Variants in ENTPD1 observed in about 807,000 individuals in gnomAD.
ENTPD1 encodes ectonucleoside triphosphate diphosphohydrolase 1.
ENTPD1 carries 33 observed loss-of-function variants against 57.0 expected under a neutral mutation model. The ratio of observed to expected loss-of-function variants is 0.58; its 90% CI spans 0.44 to 0.77. The LOEUF (loss-of-function observed/expected upper bound fraction) is 0.77. Among genes scored for constraint, ENTPD1 ranks in the 30% least tolerant of loss-of-function variants. The pLI is 0.00. For synonymous variants in ENTPD1, 202 were observed against 218.8 expected (o/e 0.92, Z 0.68); for missense variants, 501 against 603.4 (o/e 0.83, Z 1.78).
At chr10:95,725,254 A>G (rs986394493) in intron 1 of ENTPD1, among the ~76,000 whole-genome samples, 5 of 152,056 alleles carry the variant, frequency 3.3e-5, no homozygotes, top group Admixed American at 2.6e-4. Flanking sequence ...CTGAATCATT[A>G]TCATATTTTT....
At chr10:95,724,726 C>T (rs114141524) in intron 1 of ENTPD1, among the ~76,000 whole-genome samples, 16 of 152,234 alleles carry the variant, frequency 1.1e-4, no homozygotes, top group African/African-American at 1.7e-4. Context: ...GGGTCTGCGA[C>T]GGTGGCAAAC....
At chr10:95,779,394 T>C (rs1011863490) in intron 1 of ENTPD1, among the ~76,000 whole-genome samples, 1 of 152,186 alleles carries the variant, frequency 6.6e-6, no homozygotes, top group Non-Finnish European at 1.5e-5. Flanking sequence ...CTTTGGACCA[T>C]GTTCTCTCAA....
rs765023289 is a variant in ENTPD1, at chr10:95,860,584, T to TAA, written c.1188+3_1188+4dup. The TAA allele has an allele frequency of 1.2e-6, 2 of 1,612,428 alleles. No individual in the cohort carries two copies. The highest frequency in any genetic ancestry group is 1.7e-6 in the Non-Finnish European group (2 of 1,178,788). ...TTCTGTGCTCAGCCTTGGGAGGAGG[T>TAA]AAGTGACTAGGCACAGCAGCTCTAA... On this transcript the variant is annotated splice_region_variant and intron_variant, in intron 8 of 9. Coordinates refer to ENST00000371205, the MANE Select transcript of ENTPD1 (RefSeq NM_001776.6).
chr10:95,823,421 A>G, intron 2 of ENTPD1, 57 bp downstream of exon 2: 2 of 1,609,544 alleles, frequency 1.2e-6, no homozygotes, highest in South Asian at 2.2e-5. Flanking sequence ...TGGGTGGGAC[A>G]GGGGGAGGAG....
At chr10:95,853,090 A>G (rs1194554245) in intron 7 of ENTPD1, among the ~76,000 whole-genome samples, 6 of 152,164 alleles carry the variant, frequency 3.9e-5, no homozygotes, top group African/African-American at 1.4e-4. Flanking sequence ...ATTTGTTTGT[A>G]TCCTCTTTTA....
upstream of ENTPD1, chr10:95,711,655 T>A: frequency 5.2e-6 from 2 of 386,990 alleles, no homozygotes; most frequent in South Asian, 5.2e-5. Context: ...GCTTTGTTCC[T>A]AAGGCTGACC....
intron 8 of ENTPD1, among the ~76,000 whole-genome samples, chr10:95,861,047 C>T (rs958651361): frequency 6.6e-6 from 1 of 152,206 alleles, no homozygotes; most frequent in African/African-American, 2.4e-5. Context: ...ATCTCAATGG[C>T]CAGGATTGAC....
chr10:95,856,829 TATAC>T (rs1157845131), intron 7 of ENTPD1, among the ~76,000 whole-genome samples: 1 of 150,512 alleles, frequency 6.6e-6, no homozygotes, highest in Non-Finnish European at 1.5e-5. Flanking sequence ...AGGTTATATA[TATAC>T]ATATACACAT....
chr10:95,842,512 G>A lies in ENTPD1; in HGVS notation c.413+18G>A. ...TTGCTCAGGTATAGCAGCATGTAGG[G>A]ACCAAGAGTATCTGGGAGTTAGGCT... On this transcript the variant is annotated intron_variant, in intron 4 of 9. Transcript: ENST00000371205. 1 of 1,609,576 alleles carries A rather than the reference G, an allele frequency of 6.2e-7. No individual in the cohort carries two copies.
intron 1 of ENTPD1, among the ~76,000 whole-genome samples, chr10:95,812,372 GCATAATGCTT>G (rs2098311802): frequency 3.9e-5 from 6 of 152,166 alleles, no homozygotes; most frequent in Admixed American, 3.9e-4. Context: ...CTTTTACTTA[GCATAATGCTT>G]TTGAGATTCA....
upstream of ENTPD1, chr10:95,754,293 A>G: frequency 6.9e-6 from 1 of 144,978 alleles, no homozygotes. Flanking sequence ...GGGAGACAAG[A>G]GTAAAACTCT....
At chr10:95,789,246 T>C (rs1422820351) in intron 1 of ENTPD1, among the ~76,000 whole-genome samples, 1 of 152,186 alleles carries the variant, frequency 6.6e-6, no homozygotes. Flanking sequence ...TAGAGAGATA[T>C]GCTCTTTAAA....
In ENTPD1 at chr10:95,868,779, G is replaced by A; in HGVS notation, c.*2396G>A. The A allele has an allele frequency of 1.1e-5, 11 of 985,194 alleles. No individual in the cohort carries two copies. Among genetic ancestry groups the A allele is most frequent in the Non-Finnish European group, 1.3e-5 (11 of 829,906 alleles). 61.0% of individuals were successfully genotyped at this position (985,194 alleles called of 1,614,324 possible). A position where few individuals can be genotyped will look rare whatever the true frequency, so the allele number is the denominator to read the frequency against. On this transcript the variant is annotated 3_prime_UTR_variant, in exon 10 of 10. Transcript: ENST00000371205. ...AGCAAGTTGGAATTAGACTTCACAA[G>A]TCTCCTTCAGAGAACACAAATCTTT...
chr10:95,699,116 A>C, the ENTPD1 span, among the ~76,000 whole-genome samples: 2 of 152,212 alleles, frequency 1.3e-5, no homozygotes, highest in Non-Finnish European at 2.9e-5. Flanking sequence ...TTGAGGCTGC[A>C]GTGAGCCATG....
chr10:95,799,162 G>C (rs2098238322), intron 1 of ENTPD1, among the ~76,000 whole-genome samples: 1 of 152,170 alleles, frequency 6.6e-6, no homozygotes, highest in Admixed American at 6.5e-5. Flanking sequence ...AAACTTTTAA[G>C]CTCAGGGGTA....
chr10:95,859,056 C>A (rs11188511), intron 7 of ENTPD1, among the ~76,000 whole-genome samples: 1 of 151,826 alleles, frequency 6.6e-6, no homozygotes, highest in Non-Finnish European at 1.5e-5. Context: ...CCTGTTGGGA[C>A]TGAAAGTGGA....
upstream of ENTPD1, among the ~76,000 whole-genome samples, chr10:95,751,447 C>G (rs960942872): frequency 6.6e-6 from 1 of 152,140 alleles, no homozygotes. Flanking sequence ...GGGTTGGGCG[C>G]AGTGGCTCAC....
upstream of ENTPD1, chr10:95,755,743 T>C: frequency 6.5e-7 from 1 of 1,537,224 alleles, no homozygotes; most frequent in South Asian, 1.2e-5. Flanking sequence ...TTCTTGACTT[T>C]CAGTTTTTCG....
chr10:95,821,732 G>A (rs1432583075), intron 1 of ENTPD1, among the ~76,000 whole-genome samples: 1 of 152,176 alleles, frequency 6.6e-6, no homozygotes, highest in African/African-American at 2.4e-5. Context: ...GGTAAAGACT[G>A]CCTCAAGATT....
Sources: gnomAD v4.1 joint callset for allele counts (sites outside exome capture counted in the v4.1 genomes callset) on GRCh38, gnomAD v4.1.1 for gene constraint, MANE v1.5 for transcripts, NCBI Gene and HGNC (gene_info 2026-07-23, HGNC 2026-07-21) for gene names.